Variants in NSRP1 observed in about 807,000 individuals in gnomAD.
NSRP1 encodes coiled-coil domain containing 55.
In NSRP1, 24 loss-of-function variants were observed where a neutral mutation model predicts 54.7. That is an observed-to-expected ratio of 0.44 (90% CI 0.32 to 0.62). The LOEUF is 0.62. Among genes scored for constraint, NSRP1 ranks in the 20% least tolerant of loss-of-function variants. The probability of loss-of-function intolerance (pLI) is 0.06; values close to 1 mark genes in which losing one functional copy is unlikely to be tolerated. For synonymous variants in NSRP1, 210 were observed against 213.8 expected, an observed-to-expected ratio of 0.98 and a Z score of 0.15; for missense variants, 596 against 651.2, an observed-to-expected ratio of 0.92 and a Z score of 0.92.
intron 2 of NSRP1, among the ~76,000 whole-genome samples, chr17:30,163,679 C>CTTTTT (rs370423700): frequency 3.3e-5 from 3 of 90,840 alleles, no homozygotes; most frequent in East Asian, 3.3e-4. Flanking sequence ...ACTTTGACCA[C>CTTTTT]TTTTTTTTTT....
chr17:30,174,627 G>A (rs1169402103), intron 3 of NSRP1, among the ~76,000 whole-genome samples: 1 of 152,154 alleles, frequency 6.6e-6, no homozygotes, highest in Non-Finnish European at 1.5e-5. Context: ...GTCTCTGATA[G>A]ATATTTGTTG....
intron 2 of NSRP1, among the ~76,000 whole-genome samples, chr17:30,147,136 T>C (rs2071863474): frequency 6.6e-6 from 1 of 151,170 alleles, no homozygotes; most frequent in Non-Finnish European, 1.5e-5. Context: ...TCTTTTCTTT[T>C]TTTTTTTTTG....
At chr17:30,151,295 G>A (rs541864039) in intron 2 of NSRP1, among the ~76,000 whole-genome samples, 5 of 152,194 alleles carry the variant, frequency 3.3e-5, no homozygotes, top group East Asian at 1.9e-4. Flanking sequence ...ATTCTTGAAC[G>A]ATAGGGGGGT....
At chr17:30,177,569 A>G (rs1159944081) in intron 3 of NSRP1, among the ~76,000 whole-genome samples, 2 of 152,188 alleles carry the variant, frequency 1.3e-5, no homozygotes, top group Non-Finnish European at 2.9e-5. Flanking sequence ...GGAACATGAT[A>G]AAGGCAGAGA....
intron 3 of NSRP1, among the ~76,000 whole-genome samples, chr17:30,177,741 C>T (rs1339706652): frequency 1.3e-5 from 2 of 152,070 alleles, no homozygotes; most frequent in Non-Finnish European, 2.9e-5. Flanking sequence ...TTATTGAATA[C>T]TTATTCTCTA....
intron 2 of NSRP1, among the ~76,000 whole-genome samples, chr17:30,172,255 A>G (rs1050659760): frequency 6.1e-4 from 93 of 152,176 alleles, no homozygotes; most frequent in Non-Finnish European, 1.9e-4. Flanking sequence ...TAAGTAAGGC[A>G]CCATTGCCAA....
intron 2 of NSRP1, among the ~76,000 whole-genome samples, chr17:30,118,997 C>T (rs1388667516): frequency 6.6e-6 from 1 of 152,118 alleles, no homozygotes; most frequent in East Asian, 1.9e-4. Flanking sequence ...ATCTGCCTGC[C>T]TCAGCTTCCC....
chr17:30,149,979 C>G (rs62070344), intron 2 of NSRP1: 59,036 of 152,160 alleles, frequency 0.39, 13,707 homozygotes, highest in East Asian at 0.82. Context: ...TCCCTCTACT[C>G]TGCCCTTGGC....
intron 2 of NSRP1, among the ~76,000 whole-genome samples, chr17:30,166,564 T>C (rs1904736044): frequency 6.6e-6 from 1 of 152,202 alleles, no homozygotes; most frequent in Non-Finnish European, 1.5e-5. Context: ...ATGAATGCAA[T>C]GCTTAGTGAT....
chr17:30,157,252 A>AT (rs1442780121), intron 2 of NSRP1, among the ~76,000 whole-genome samples: 1 of 152,104 alleles, frequency 6.6e-6, no homozygotes, highest in East Asian at 1.9e-4. Flanking sequence ...GATGTTGGGC[A>AT]TTTTTTTATA....
chr17:30,120,183 A>G lies in NSRP1; in HGVS notation c.114+2010A>G, dbSNP rs945201098. Among the ~76,000 whole-genome samples, 4 of 152,358 alleles carry G rather than the reference A, an allele frequency of 2.6e-5. No homozygotes were observed. The East Asian group carries it at 5.8e-4, about 22-fold the overall frequency. On this transcript the variant is annotated intron_variant, in intron 2 of 6. Coordinates refer to ENST00000247026, the MANE Select transcript of NSRP1 (RefSeq NM_032141.4). ...TTATGTCTGACTTACTCCACTCAGT[A>G]TAATGCCAGATTTATCCATGTAGTT...
chr17:30,117,759 GT>G (rs79120191), intron 1 of NSRP1, among the ~76,000 whole-genome samples: 8,363 of 115,006 alleles, frequency 0.073, 234 homozygotes, highest in Middle Eastern at 0.15. Context: ...CACTACACAT[GT>G]TTTTTTTTTT....
intron 3 of NSRP1, among the ~76,000 whole-genome samples, chr17:30,176,238 C>G (rs894596236): frequency 6.6e-6 from 1 of 152,066 alleles, no homozygotes; most frequent in Non-Finnish European, 1.5e-5. Context: ...TATGTTGCAA[C>G]ATAGTTAATA....
At chr17:30,122,386 T>TATATATATATATATATATATATA (rs1329288159) in intron 2 of NSRP1, 1 of 7,164 alleles carries the variant, frequency 1.4e-4, no homozygotes, top group Non-Finnish European at 2.6e-4. Context: ...TATATATATA[T>TATATATATATATATATATATATA]TTTTTTTTTT....
chr17:30,118,419 A>G (rs1388519838), intron 2 of NSRP1, among the ~76,000 whole-genome samples: 1 of 152,248 alleles, frequency 6.6e-6, no homozygotes, highest in Non-Finnish European at 1.5e-5. Flanking sequence ...TGAAATTGTC[A>G]TAACAAAATT....
chr17:30,152,423 A>ATTTTT, intron 2 of NSRP1, among the ~76,000 whole-genome samples: 1 of 132,128 alleles, frequency 7.6e-6, no homozygotes, highest in South Asian at 2.5e-4. Flanking sequence ...CAGCCTAAGA[A>ATTTTT]TTTTTTTTTT....
intron 2 of NSRP1, among the ~76,000 whole-genome samples, chr17:30,166,514 T>C (rs146665656): frequency 6.6e-6 from 1 of 152,236 alleles, no homozygotes; most frequent in African/African-American, 2.4e-5. Flanking sequence ...TTTGAAAAAA[T>C]TTTATACAAG....
At chr17:30,163,798 C>T (rs1190955787) in intron 2 of NSRP1, among the ~76,000 whole-genome samples, 2 of 151,172 alleles carry the variant, frequency 1.3e-5, no homozygotes, top group Admixed American at 6.6e-5. Context: ...TCTCTTGCCT[C>T]AGCCTCCCCG....
chr17:30,116,960 A>G, intron 1 of NSRP1, 97 bp downstream of exon 1: 1 of 1,418,780 alleles, frequency 7.0e-7, no homozygotes, highest in Non-Finnish European at 9.8e-7. Context: ...AAGTGAAGGG[A>G]CTGTGTCGTC....
Sources: allele counts gnomAD v4.1 joint callset (sites outside exome capture counted in the v4.1 genomes callset), GRCh38; gene constraint gnomAD v4.1.1; transcripts MANE v1.5; gene names NCBI Gene and HGNC (gene_info 2026-07-23, HGNC 2026-07-21).